Variants in AK8 observed in about 807,000 individuals in gnomAD.
The protein encoded by AK8 is adenylate kinase 8.
AK8 carries 44 observed loss-of-function variants against 54.6 expected under a neutral mutation model. The ratio of observed to expected loss-of-function variants is 0.81; its 90% CI spans 0.63 to 1.04. The LOEUF is 1.04. Among genes scored for constraint, AK8 ranks in the 50% least tolerant of loss-of-function variants. AK8 has a pLI of 0.00. For missense variants in AK8, 555 were observed against 613.6 expected, an observed-to-expected ratio of 0.90 and a Z score of 1.01; for synonymous variants, 239 against 245.6, an observed-to-expected ratio of 0.97 and a Z score of 0.25.
chr9:132,862,517 T>C (rs1843432472), intron 4 of AK8, among the ~76,000 whole-genome samples: 1 of 151,924 alleles, frequency 6.6e-6, no homozygotes, highest in African/African-American at 2.4e-5. Flanking sequence ...TTGGTAGAAA[T>C]AGGGTTTCAC....
chr9:132,726,183 G>A (rs1282227070), intron 12 of AK8, among the ~76,000 whole-genome samples: 1 of 151,782 alleles, frequency 6.6e-6, no homozygotes, highest in East Asian at 1.9e-4. Flanking sequence ...ATCATATATG[G>A]GCAAATTCTT....
At chr9:132,772,509 T>A (rs1420991959) in intron 11 of AK8, among the ~76,000 whole-genome samples, 1 of 152,230 alleles carries the variant, frequency 6.6e-6, no homozygotes, top group Non-Finnish European at 1.5e-5. Flanking sequence ...GTGAGAGGCC[T>A]CAGAAGAAAC....
intron 10 of AK8, among the ~76,000 whole-genome samples, chr9:132,805,430 G>A (rs989360361): frequency 6.6e-6 from 1 of 152,292 alleles, no homozygotes; most frequent in East Asian, 1.9e-4. Context: ...CTCCGGCAGC[G>A]CCCATTCTTC....
At chr9:132,741,545 C>T (rs1313324615) in intron 11 of AK8, among the ~76,000 whole-genome samples, 1 of 152,212 alleles carries the variant, frequency 6.6e-6, no homozygotes, top group African/African-American at 2.4e-5. Context: ...AGAGGCCCCA[C>T]TCAGATCCCC....
rs562326638 is a variant in AK8 at position 132,852,466 on chromosome 9, C to T, written c.402+2391G>A. On this transcript the variant is annotated intron_variant, in intron 5 of 12. Transcript: ENST00000298545. ...CTACTAAAAAATACAAAAAATTAGCCGGGTGTGGTGGCACGTGCCTGTAAT... is the reference window on the plus strand; with the variant it reads ...CTACTAAAAAATACAAAAAATTAGCTGGGTGTGGTGGCACGTGCCTGTAAT... Among the ~76,000 whole-genome samples, 9 of 151,914 alleles carry T rather than the reference C, an allele frequency of 5.9e-5. No individual in the cohort carries two copies. In the East Asian group the frequency reaches 9.7e-4, roughly 16 times the overall value.
At chr9:132,805,307 G>A (rs1840668622) in intron 10 of AK8, among the ~76,000 whole-genome samples, 1 of 152,214 alleles carries the variant, frequency 6.6e-6, no homozygotes. Context: ...TAATCTGGAT[G>A]CCTGATACAC....
At chr9:132,848,717 G>T (rs1331020916) in intron 5 of AK8, among the ~76,000 whole-genome samples, 2 of 152,188 alleles carry the variant, frequency 1.3e-5, no homozygotes, top group African/African-American at 2.4e-5. Flanking sequence ...GAAGTGGGGG[G>T]TGCTGAGGAG....
chr9:132,740,737 A>G (rs1837338750), intron 11 of AK8, among the ~76,000 whole-genome samples: 1 of 152,086 alleles, frequency 6.6e-6, no homozygotes, highest in African/African-American at 2.4e-5. Flanking sequence ...CTGGGGCTGC[A>G]TCCCTCACCT....
chr9:132,870,585 C>T (rs962871516), intron 2 of AK8, among the ~76,000 whole-genome samples: 2 of 152,270 alleles, frequency 1.3e-5, no homozygotes, highest in African/African-American at 2.4e-5. Flanking sequence ...TAAATGCTCA[C>T]TTTGTACTAA....
chr9:132,755,768 ATTT>A (rs5900991), intron 11 of AK8, among the ~76,000 whole-genome samples: 6 of 143,738 alleles, frequency 4.2e-5, no homozygotes, highest in Non-Finnish European at 3.1e-5. Context: ...CAACTCTCAG[ATTT>A]TTTTTTTTTT....
intron 5 of AK8, among the ~76,000 whole-genome samples, chr9:132,848,153 GAAGA>G (rs973858544): frequency 5.4e-5 from 6 of 110,934 alleles, no homozygotes; most frequent in Middle Eastern, 4.7e-3. Context: ...AGATTGAAGA[GAAGA>G]AAGGAAGACT....
intron 10 of AK8, among the ~76,000 whole-genome samples, chr9:132,813,179 C>A (rs371462449): frequency 6.6e-6 from 1 of 150,642 alleles, no homozygotes; most frequent in East Asian, 2.0e-4. Context: ...CATTCTGTGG[C>A]CACCGCAGAC....
chr9:132,818,144 T>A (rs555909720), intron 9 of AK8, among the ~76,000 whole-genome samples: 1 of 152,138 alleles, frequency 6.6e-6, no homozygotes, highest in Non-Finnish European at 1.5e-5. Context: ...GAAGATGAAA[T>A]CATATCATTT....
chr9:132,801,388 T>C (rs182204084), intron 10 of AK8, among the ~76,000 whole-genome samples: 1 of 152,380 alleles, frequency 6.6e-6, no homozygotes, highest in Admixed American at 6.5e-5. Flanking sequence ...ACAATTTTTA[T>C]TTTAAAGTAC....
chr9:132,811,303 C>T (rs757531520), intron 10 of AK8, among the ~76,000 whole-genome samples: 18 of 152,270 alleles, frequency 1.2e-4, no homozygotes, highest in Non-Finnish European at 2.2e-4. Flanking sequence ...GATCCTGGAT[C>T]GTTCTGGGTC....
At chr9:132,823,516 C>T (rs1841743706) in intron 8 of AK8, among the ~76,000 whole-genome samples, 180 bp from the exon 9 acceptor site, 1 of 152,224 alleles carries the variant, frequency 6.6e-6, no homozygotes, top group South Asian at 2.1e-4. Context: ...CAGGCCTGGG[C>T]ACCAAGGCAG....
intron 11 of AK8, among the ~76,000 whole-genome samples, chr9:132,735,059 G>A (rs1837032727): frequency 6.6e-6 from 1 of 152,106 alleles, no homozygotes; most frequent in Non-Finnish European, 1.5e-5. Flanking sequence ...AAAGCTCCTT[G>A]GGTGGCTGCA....
intron 5 of AK8, among the ~76,000 whole-genome samples, chr9:132,844,309 A>G (rs1043739627): frequency 2.0e-5 from 3 of 151,448 alleles, no homozygotes; most frequent in Non-Finnish European, 4.4e-5. Context: ...AAAAAAAAAA[A>G]AAAAAAAGAA....
At chr9:132,767,315 CAAAAG>C (rs2131074931) in intron 11 of AK8, among the ~76,000 whole-genome samples, 1 of 152,032 alleles carries the variant, frequency 6.6e-6, no homozygotes, top group East Asian at 1.9e-4. Flanking sequence ...AAACATTTCT[CAAAAG>C]AAGATATACG....
Sources: allele counts gnomAD v4.1 joint callset (sites outside exome capture counted in the v4.1 genomes callset), GRCh38; gene constraint gnomAD v4.1.1; transcripts MANE v1.5; gene names NCBI Gene and HGNC (gene_info 2026-07-23, HGNC 2026-07-21).